Variants in NRG1 observed in about 807,000 individuals in gnomAD.
NRG1 encodes pro-neuregulin-1, membrane-bound isoform.
Under a neutral mutation model 63.8 loss-of-function variants are expected in NRG1, and 18 were observed. That is an observed-to-expected ratio of 0.28 (90% CI 0.19 to 0.42). The LOEUF (loss-of-function observed/expected upper bound fraction) is 0.42, where lower values mean the gene tolerates loss of function less well. Among genes scored for constraint, NRG1 ranks in the 10% least tolerant of loss-of-function variants. The pLI is 1.00. For synonymous variants in NRG1, 302 were observed against 301.3 expected (o/e 1.00, Z -0.02); for missense variants, 762 against 814.7 (o/e 0.94, Z 0.79).
intron 1 of NRG1, among the ~76,000 whole-genome samples, chr8:31,925,146 G>A (rs369683879): frequency 9.2e-3 from 37 of 4,038 alleles, no homozygotes; most frequent in African/African-American, 0.022. Context: ...GTGTGTGTGT[G>A]TATACATATA....
intron 1 of NRG1, among the ~76,000 whole-genome samples, chr8:32,448,796 C>T (rs1197910905): frequency 6.6e-6 from 1 of 152,138 alleles, no homozygotes; most frequent in Non-Finnish European, 1.5e-5. Context: ...TATAAGCTGA[C>T]AACAAAATGT....
At chr8:32,696,443 G>A (rs1382155641) in intron 5 of NRG1, among the ~76,000 whole-genome samples, 2 of 151,994 alleles carry the variant, frequency 1.3e-5, no homozygotes, top group Admixed American at 1.3e-4. Context: ...TTTAACTCCT[G>A]CAGCAACAAT....
intron 5 of NRG1, among the ~76,000 whole-genome samples, chr8:32,648,743 A>G (rs1854273593): frequency 6.6e-6 from 1 of 152,166 alleles, no homozygotes; most frequent in Non-Finnish European, 1.5e-5. Context: ...TAGAAATGTG[A>G]CTTTCATATA....
intron 5 of NRG1, among the ~76,000 whole-genome samples, chr8:32,683,669 C>T (rs138695890): frequency 2.9e-4 from 44 of 152,230 alleles, no homozygotes; most frequent in African/African-American, 1.1e-3. Context: ...AGTCTTCCAA[C>T]CCTTCCTACT....
chr8:31,800,808 T>C (rs1281129487), intron 1 of NRG1, among the ~76,000 whole-genome samples: 1 of 151,642 alleles, frequency 6.6e-6, no homozygotes, highest in Non-Finnish European at 1.5e-5. Context: ...GGGGATAACA[T>C]TGTGATTTAG....
chr8:32,187,756 A>C (rs1048634721), intron 1 of NRG1, among the ~76,000 whole-genome samples: 1 of 152,196 alleles, frequency 6.6e-6, no homozygotes, highest in Non-Finnish European at 1.5e-5. Context: ...AGAAAAAAAA[A>C]AAATCTTACT....
chr8:32,255,123 C>A (rs1586423552), intron 1 of NRG1, among the ~76,000 whole-genome samples: 1 of 152,070 alleles, frequency 6.6e-6, no homozygotes, highest in South Asian at 2.1e-4. Flanking sequence ...TACAGCACAC[C>A]AATGGGTCTT....
intron 1 of NRG1, among the ~76,000 whole-genome samples, chr8:31,984,157 G>A (rs553180125): frequency 2.0e-5 from 3 of 151,892 alleles, no homozygotes; most frequent in Admixed American, 6.6e-5. Flanking sequence ...CTTTCCAAAG[G>A]GAAAAATTTT....
intron 1 of NRG1, among the ~76,000 whole-genome samples, chr8:32,542,103 ACACCT>A (rs1832635374): frequency 6.6e-6 from 1 of 152,174 alleles, no homozygotes; most frequent in African/African-American, 2.4e-5. Flanking sequence ...GGCTCCTCTG[ACACCT>A]CACAAGAATC....
At chr8:31,933,969 C>T (rs979970767) in intron 1 of NRG1, among the ~76,000 whole-genome samples, 2 of 148,350 alleles carry the variant, frequency 1.3e-5, no homozygotes, top group Non-Finnish European at 3.0e-5. Context: ...AGCCTGATCA[C>T]TAGAATACAT....
At chr8:31,767,471 T>C (rs1160198616) in intron 1 of NRG1, among the ~76,000 whole-genome samples, 1 of 152,170 alleles carries the variant, frequency 6.6e-6, no homozygotes, top group Non-Finnish European at 1.5e-5. Context: ...GAACATTCCC[T>C]CACTTTGAAT....
Position 31,681,314 on chromosome 8 carries a change from A to G in NRG1, c.37+41883A>G, listed in dbSNP as rs1032281103. ...TTTAGTTTTACTACATTACTACCCT[A>G]TTTATCCTTGTTAAAATGTTCAGTA... On this transcript the variant is annotated intron_variant, in intron 1 of 10. Transcript: ENST00000519301. Among the ~76,000 whole-genome samples the G allele has an allele frequency of 1.1e-4, 17 of 152,270 alleles. No homozygotes were observed. In the East Asian group the frequency reaches 1.2e-3, roughly 10 times the overall value.
chr8:32,710,023 C>G (rs866639434), intron 5 of NRG1, among the ~76,000 whole-genome samples: 1 of 152,144 alleles, frequency 6.6e-6, no homozygotes, highest in African/African-American at 2.4e-5. Context: ...AGATGATCCT[C>G]ATATGTAATT....
intron 1 of NRG1, among the ~76,000 whole-genome samples, chr8:31,944,802 G>T (rs1429482704): frequency 6.6e-6 from 1 of 152,154 alleles, no homozygotes; most frequent in Non-Finnish European, 1.5e-5. Flanking sequence ...TTACGCAGTA[G>T]GTATGTATTT....
At chr8:31,720,080 A>C (rs1311121181) in intron 1 of NRG1, among the ~76,000 whole-genome samples, 1 of 152,274 alleles carries the variant, frequency 6.6e-6, no homozygotes, top group Middle Eastern at 3.4e-3. Flanking sequence ...AATGAAAGAT[A>C]TTTCCAGGTT....
At chr8:31,740,487 T>C (rs12675527) in intron 1 of NRG1, among the ~76,000 whole-genome samples, 33,715 of 151,916 alleles carry the variant, frequency 0.22, 4,763 homozygotes, top group East Asian at 0.67. Flanking sequence ...TTTCTGTAAT[T>C]CTTACTATTT....
At chr8:32,145,619 C>T (rs185400478) in intron 1 of NRG1, among the ~76,000 whole-genome samples, 31 of 152,232 alleles carry the variant, frequency 2.0e-4, no homozygotes, top group Admixed American at 2.0e-3. Context: ...CTGTGTCTAC[C>T]CCAGAGGATG....
At chr8:32,035,429 G>A (rs1038901329) in intron 1 of NRG1, among the ~76,000 whole-genome samples, 1 of 151,976 alleles carries the variant, frequency 6.6e-6, no homozygotes, top group Non-Finnish European at 1.5e-5. Flanking sequence ...GTTTTGGGGT[G>A]GAGAGTTCTA....
chr8:31,820,833 T>A (rs545796649), intron 1 of NRG1, among the ~76,000 whole-genome samples: 32 of 152,306 alleles, frequency 2.1e-4, no homozygotes, highest in Non-Finnish European at 3.2e-4. Flanking sequence ...ATTCATGCTG[T>A]CTGGATATAC....
Sources: allele counts gnomAD v4.1 joint callset (sites outside exome capture counted in the v4.1 genomes callset), GRCh38; gene constraint gnomAD v4.1.1; transcripts MANE v1.5; gene names NCBI Gene and HGNC (gene_info 2026-07-23, HGNC 2026-07-21).